Variants in KAZN observed in about 807,000 individuals in gnomAD.
KAZN encodes the protein kazrin.
In KAZN, 40 loss-of-function variants were observed where a neutral mutation model predicts 87.4. That is an observed-to-expected ratio of 0.46 (90% confidence interval 0.36 to 0.60). KAZN has a LOEUF of 0.60. Ranked by LOEUF, KAZN falls within the 20% of genes least tolerant of loss-of-function variation. The pLI is 0.00. For missense variants in KAZN, 898 were observed against 1,073.9 expected (o/e 0.84, Z 2.29); for synonymous variants, 466 against 458.3 (o/e 1.02, Z -0.22).
At chr1:14,547,258 T>C (rs1201304061) in intron 2 of KAZN, among the ~76,000 whole-genome samples, 1 of 152,212 alleles carries the variant, frequency 6.6e-6, no homozygotes, top group Non-Finnish European at 1.5e-5. Flanking sequence ...TGGAATACCA[T>C]TTCTCCCATT....
intron 1 of KAZN, among the ~76,000 whole-genome samples, chr1:14,062,658 A>G (rs926356768): frequency 1.4e-4 from 22 of 152,182 alleles, no homozygotes; most frequent in African/African-American, 5.3e-4. Context: ...CAAAGTAGAT[A>G]CAACCTCTCT....
At chr1:14,024,400 G>A (rs77235080) in intron 1 of KAZN, among the ~76,000 whole-genome samples, 2 of 152,182 alleles carry the variant, frequency 1.3e-5, no homozygotes, top group African/African-American at 4.8e-5. Flanking sequence ...TACTCACACA[G>A]AAGAACTAAA....
chr1:14,419,794 C>T (rs979140329), intron 2 of KAZN, among the ~76,000 whole-genome samples: 7 of 152,056 alleles, frequency 4.6e-5, no homozygotes, highest in African/African-American at 1.4e-4. Flanking sequence ...CGGAGTTGTT[C>T]ATTCCTCCCG....
chr1:15,063,645 C>G (rs1202744005), intron 7 of KAZN, 23 bp downstream of exon 7: 1 of 1,597,376 alleles, frequency 6.3e-7, no homozygotes. Flanking sequence ...TCCCTGGCCA[C>G]TTGAACCCTC....
At chr1:14,553,955 C>A (rs1196634331) in intron 2 of KAZN, among the ~76,000 whole-genome samples, 4 of 152,154 alleles carry the variant, frequency 2.6e-5, no homozygotes, top group African/African-American at 9.7e-5. Context: ...AAGGGTGACA[C>A]CACTCAGCCA....
At chr1:14,988,763 G>A (rs1035086872) in intron 2 of KAZN, among the ~76,000 whole-genome samples, 4 of 152,164 alleles carry the variant, frequency 2.6e-5, no homozygotes, top group Non-Finnish European at 4.4e-5. Context: ...TCAGATGTGC[G>A]GCTCAGCTGC....
At chr1:15,098,096 A>G (rs922231390) in intron 10 of KAZN, among the ~76,000 whole-genome samples, 3 of 152,212 alleles carry the variant, frequency 2.0e-5, no homozygotes, top group Non-Finnish European at 2.9e-5. Flanking sequence ...ACGGAGACCC[A>G]GAGTTTCAAG....
chr1:14,688,891 C>T (rs1641117129), intron 1 of KAZN, among the ~76,000 whole-genome samples: 1 of 152,110 alleles, frequency 6.6e-6, no homozygotes, highest in African/African-American at 2.4e-5. Context: ...TTTAAAAATG[C>T]CAGTAAGAGT....
intron 2 of KAZN, among the ~76,000 whole-genome samples, chr1:14,309,961 C>T (rs1655173966): frequency 6.6e-6 from 1 of 151,876 alleles, no homozygotes; most frequent in South Asian, 2.1e-4. Flanking sequence ...GTTCTTTAGG[C>T]AAGAGCTGGT....
chr1:15,027,213 C>T (rs1671265241), intron 2 of KAZN, among the ~76,000 whole-genome samples: 1 of 151,474 alleles, frequency 6.6e-6, no homozygotes, highest in Non-Finnish European at 1.5e-5. Context: ...TCCCCAGTAG[C>T]TGGGACTACA....
At chr1:13,916,184 G>A (rs925959717) in intron 1 of KAZN, among the ~76,000 whole-genome samples, 3 of 152,172 alleles carry the variant, frequency 2.0e-5, no homozygotes, top group African/African-American at 7.2e-5. Context: ...CACCTACCCT[G>A]ATGGGAGAGT....
At chr1:14,657,567 G>A (rs1195786152) in intron 1 of KAZN, among the ~76,000 whole-genome samples, 1 of 152,178 alleles carries the variant, frequency 6.6e-6, no homozygotes, top group Admixed American at 6.5e-5. Flanking sequence ...TGCCGCCTTT[G>A]CCGCACTGAG....
chr1:14,272,082 A>T (rs901742260), intron 2 of KAZN, among the ~76,000 whole-genome samples: 5 of 152,210 alleles, frequency 3.3e-5, no homozygotes, highest in African/African-American at 1.2e-4. Context: ...GTGGAACAAG[A>T]GCTTACTAAT....
At chr1:15,054,973 A>T (rs1674797352) in intron 4 of KAZN, among the ~76,000 whole-genome samples, 1 of 152,250 alleles carries the variant, frequency 6.6e-6, no homozygotes, top group Non-Finnish European at 1.5e-5. Context: ...AGAAGGAGCT[A>T]GTCGTGTAGG....
chr1:14,251,649 T>TTTTTTTTTTTTTTTTTTG, intron 2 of KAZN, among the ~76,000 whole-genome samples: 1 of 89,158 alleles, frequency 1.1e-5, no homozygotes, highest in Non-Finnish European at 2.8e-5. Flanking sequence ...CGGACTTTTT[T>TTTTTTTTTTTTTTTTTTG]TTTTTTTTTT....
chr1:14,100,749 C>A (rs1364686745), intron 1 of KAZN, among the ~76,000 whole-genome samples: 1 of 152,204 alleles, frequency 6.6e-6, no homozygotes, highest in Admixed American at 6.5e-5. Flanking sequence ...AGTTTAGGCA[C>A]AGTGAGCCAG....
At position 15,099,877 on chromosome 1, in the gene KAZN, G is replaced by A. The variant is rs1640976970; in HGVS notation, c.1548-1666G>A. On this transcript the variant is annotated intron_variant, in intron 10 of 14. Transcript: ENST00000376030. This position sits in a 1 kb window ranked among gnomAD's most constrained non-coding sequence, Gnocchi z 5.4. ...CTTAGAGCTGGGAAAGGAGAGAAGT[G>A]GACAGAGGATGCACTGACCAGAGTG... is the stretch of plus-strand genomic sequence containing the variant. 6.6e-6 allele frequency among the ~76,000 whole-genome samples: 1 copy of A among 152,100 alleles called. No homozygotes were observed. Among genetic ancestry groups the A allele is most frequent in the African/African-American group, 2.4e-5 (1 of 41,418 alleles).
chr1:13,948,923 G>A (rs373575579), intron 1 of KAZN, among the ~76,000 whole-genome samples: 9 of 152,222 alleles, frequency 5.9e-5, no homozygotes, highest in Admixed American at 2.0e-4. Flanking sequence ...AAGGTCACTC[G>A]GGTAGCAAGA....
intron 1 of KAZN, among the ~76,000 whole-genome samples, chr1:14,737,895 C>G (rs1643958519): frequency 6.6e-6 from 1 of 152,170 alleles, no homozygotes; most frequent in South Asian, 2.1e-4. Flanking sequence ...TAAGGACTCA[C>G]CTGATTAGGT....
Sources: allele counts gnomAD v4.1 joint callset (sites outside exome capture counted in the v4.1 genomes callset), GRCh38; gene constraint gnomAD v4.1.1; non-coding constraint Gnocchi (gnomAD v3.1); transcripts MANE v1.5; gene names NCBI Gene and HGNC (gene_info 2026-07-23, HGNC 2026-07-21).